Variants in ENTHD1 observed in about 807,000 individuals in gnomAD.
ENTHD1 encodes ENTH domain-containing protein 1.
A neutral mutation model predicts 39.1 loss-of-function variants in ENTHD1; 23 were observed. The ratio of observed to expected loss-of-function variants is 0.59; its 90% confidence interval spans 0.42 to 0.83. The LOEUF (loss-of-function observed/expected upper bound fraction) is 0.83. Among genes scored for constraint, ENTHD1 ranks in the 40% least tolerant of loss-of-function variants. The probability of loss-of-function intolerance (pLI) is 0.00; values close to 1 mark genes in which losing one functional copy is unlikely to be tolerated. For synonymous variants in ENTHD1, 230 were observed against 258.2 expected (o/e 0.89, Z 1.05); for missense variants, 624 against 705.4 (o/e 0.88, Z 1.31).
At chr22:39,794,523 C>A (rs1181553941) in intron 5 of ENTHD1, among the ~76,000 whole-genome samples, 1 of 152,146 alleles carries the variant, frequency 6.6e-6, no homozygotes, top group African/African-American at 2.4e-5. Flanking sequence ...GCATCCTTGG[C>A]CGGGCGCAGT....
intron 2 of ENTHD1, among the ~76,000 whole-genome samples, chr22:39,872,155 C>T (rs554975996): frequency 6.6e-6 from 1 of 152,270 alleles, no homozygotes; most frequent in Non-Finnish European, 1.5e-5. Flanking sequence ...ATGCTTGGCC[C>T]CTGTATCATA....
At chr22:39,832,246 G>A (rs2065874996) in intron 4 of ENTHD1, among the ~76,000 whole-genome samples, 1 of 152,144 alleles carries the variant, frequency 6.6e-6, no homozygotes, top group South Asian at 2.1e-4. Flanking sequence ...ATGAGTTTGA[G>A]GTTACAGTGA....
At chr22:39,851,178 G>A (rs561053092) in intron 3 of ENTHD1, among the ~76,000 whole-genome samples, 2 of 152,174 alleles carry the variant, frequency 1.3e-5, no homozygotes, top group South Asian at 4.1e-4. Context: ...TACTGTAGAA[G>A]ATGAGAAGCT....
chr22:39,748,975 C>T (rs2065128115), intron 6 of ENTHD1, among the ~76,000 whole-genome samples: 2 of 152,076 alleles, frequency 1.3e-5, no homozygotes, highest in Admixed American at 1.3e-4. Context: ...AGTCTGGGAC[C>T]CACTGCTTTC....
chr22:39,851,491 T>G (rs993970862), intron 3 of ENTHD1, among the ~76,000 whole-genome samples: 11 of 152,202 alleles, frequency 7.2e-5, no homozygotes, highest in African/African-American at 2.7e-4. Flanking sequence ...AAGTATGTTC[T>G]TTGCTGCTTA....
chr22:39,762,678 C>T (rs1228371233), intron 6 of ENTHD1, among the ~76,000 whole-genome samples: 16 of 152,108 alleles, frequency 1.1e-4, no homozygotes, highest in Admixed American at 1.0e-3. Flanking sequence ...TCTTGAACTC[C>T]TAGCCTCAAA....
chr22:39,889,219 G>T (rs578024467), intron 1 of ENTHD1, among the ~76,000 whole-genome samples: 1 of 152,304 alleles, frequency 6.6e-6, no homozygotes, highest in South Asian at 2.1e-4. Context: ...CTCAAATAAT[G>T]CAAGGATTTC....
intron 1 of ENTHD1, among the ~76,000 whole-genome samples, chr22:39,889,490 C>G (rs539814467): frequency 6.6e-6 from 1 of 152,244 alleles, no homozygotes; most frequent in African/African-American, 2.4e-5. Context: ...GATTTCAAGC[C>G]CTGACGAACA....
At chr22:39,843,478 T>A (rs111678452) in intron 3 of ENTHD1, among the ~76,000 whole-genome samples, 4 of 96,376 alleles carry the variant, frequency 4.2e-5, no homozygotes, top group African/African-American at 7.9e-5. Context: ...GGGGAGGGGG[T>A]AGGGATAGCA....
chr22:39,893,417 G>C (rs570461011), intron 1 of ENTHD1: 1 of 152,266 alleles, frequency 6.6e-6, no homozygotes, highest in South Asian at 2.1e-4. Context: ...GGTGCTGGGC[G>C]TTCGGCCACA....
At chr22:39,846,169 C>G (rs2065986842) in intron 3 of ENTHD1, among the ~76,000 whole-genome samples, 1 of 152,148 alleles carries the variant, frequency 6.6e-6, no homozygotes, top group Admixed American at 6.5e-5. Context: ...AAATGCCAGA[C>G]CTGAATCTGT....
intron 5 of ENTHD1, among the ~76,000 whole-genome samples, chr22:39,778,060 T>A (rs1306270699): frequency 6.6e-6 from 1 of 152,044 alleles, no homozygotes; most frequent in Non-Finnish European, 1.5e-5. Context: ...AGACTGAAAA[T>A]GTAAGCTAAA....
Position 39,841,030 on chromosome 22 carries a change from G to A in ENTHD1, c.593-5072C>T, listed in dbSNP as rs143588270. On this transcript the variant is annotated intron_variant, in intron 3 of 6. Transcript: ENST00000325157. Reference sequence around the variant, plus strand: ...GCTGGGATTACAGGTGTGAGCCACCGCGCCTGGCTAACTTAAGCATCTTAA... The same window carrying A: ...GCTGGGATTACAGGTGTGAGCCACCACGCCTGGCTAACTTAAGCATCTTAA... 5.5e-3 allele frequency among the ~76,000 whole-genome samples: 840 copies of A among 152,166 alleles called. 9 individuals carry two copies. The highest frequency in any genetic ancestry group is 0.02 in the Middle Eastern group (6 of 294).
intron 1 of ENTHD1, chr22:39,893,154 T>C (rs1373958500): frequency 6.6e-6 from 1 of 152,158 alleles, no homozygotes; most frequent in Non-Finnish European, 1.5e-5. Context: ...TGATTTGAGG[T>C]CCTGCTTTGC....
In ENTHD1 at chr22:39,887,589, TA is replaced by T; in HGVS notation, c.159del (p.Met54Ter). 1 of 1,614,210 alleles carries T rather than the reference TA, an allele frequency of 6.2e-7. No homozygotes were observed. Among genetic ancestry groups the T allele is most frequent in the Non-Finnish European group, 8.5e-7 (1 of 1,180,040 alleles). ...TTGAGTCTGTGCCACAGCATATTCATAATCTCTGAGAGAGAAATTGTGTTGA... is the reference window on the plus strand; with the variant it reads ...TTGAGTCTGTGCCACAGCATATTCATATCTCTGAGAGAGAAATTGTGTTGA... ...LTFNTISLSE[I>X]MNMLWHRLND... On this transcript the variant is annotated frameshift_variant, in exon 2 of 7. Transcript: ENST00000325157. LOFTEE classifies it high-confidence loss of function.
chr22:39,839,898 T>C (rs940744357), intron 3 of ENTHD1, among the ~76,000 whole-genome samples: 1 of 152,244 alleles, frequency 6.6e-6, no homozygotes, highest in African/African-American at 2.4e-5. Context: ...AGATGCATTT[T>C]GGCCTAGAAT....
chr22:39,764,172 T>C (rs922894990), intron 6 of ENTHD1, among the ~76,000 whole-genome samples: 2 of 152,178 alleles, frequency 1.3e-5, no homozygotes, highest in African/African-American at 2.4e-5. Flanking sequence ...GTTTAAAAGA[T>C]TCACGTTAAA....
intron 4 of ENTHD1, among the ~76,000 whole-genome samples, chr22:39,826,325 GT>G (rs1466061703): frequency 6.6e-6 from 1 of 151,244 alleles, no homozygotes; most frequent in Non-Finnish European, 1.5e-5. Context: ...AACTTTTATT[GT>G]TTTTTAAATT....
chr22:39,758,043 T>C (rs1347450206), intron 6 of ENTHD1, among the ~76,000 whole-genome samples: 2 of 152,150 alleles, frequency 1.3e-5, no homozygotes, highest in Admixed American at 6.5e-5. Context: ...CTAGTCTTAG[T>C]CATTGATAGC....
Sources: allele counts gnomAD v4.1 joint callset (sites outside exome capture counted in the v4.1 genomes callset), GRCh38; gene constraint gnomAD v4.1.1; transcripts MANE v1.5; gene names NCBI Gene and HGNC (gene_info 2026-07-23, HGNC 2026-07-21).